HGSNAT: variants seen among roughly 807,000 people sequenced by gnomAD.
HGSNAT encodes transmembrane protein 76.
A neutral mutation model predicts 85.2 loss-of-function variants in HGSNAT; 59 were observed. The ratio of observed to expected loss-of-function variants is 0.69; its 90% CI spans 0.56 to 0.86. HGSNAT has a LOEUF of 0.86. Among genes scored for constraint, HGSNAT ranks in the 40% least tolerant of loss-of-function variants. HGSNAT has a pLI of 0.00. For missense variants in HGSNAT, 756 were observed against 777.1 expected (o/e 0.97, Z 0.32); for synonymous variants, 321 against 304.5 (o/e 1.05, Z -0.56).
Position 43,182,237 on chromosome 8 carries a change from C to A in HGSNAT, c.1105C>A (p.Pro369Thr). ...VAVLELLFAK[P>T]VPEHCASERS... ...TGTGTTGGAGCTCCTCTTTGCTAAACCTGTGCCTGAACATTGTGCCTCGGT... is the reference window on the plus strand; with the variant it reads ...TGTGTTGGAGCTCCTCTTTGCTAAAACTGTGCCTGAACATTGTGCCTCGGT... Residue 369 changes from proline to threonine, a missense_variant, in exon 11 of 18, where the codon CCT becomes ACT. By Grantham distance (38) the Pro-to-Thr change is conservative (BLOSUM62 -1). Coordinates refer to ENST00000379644, the MANE Select transcript of HGSNAT (RefSeq NM_152419.3). The A allele has an allele frequency of 6.2e-7, 1 of 1,613,718 alleles. No homozygotes were observed. The highest frequency in any genetic ancestry group is 8.5e-7 in the Non-Finnish European group (1 of 1,179,674).
intron 5 of HGSNAT, chr8:43,167,940 A>G: frequency 4.0e-6 from 1 of 249,580 alleles, no homozygotes; most frequent in Non-Finnish European, 8.0e-6. Flanking sequence ...TTTTTTTGAG[A>G]CAGAGTCTTG....
At chr8:43,147,303 C>T (rs1000392387) in intron 2 of HGSNAT, among the ~76,000 whole-genome samples, 1 of 152,150 alleles carries the variant, frequency 6.6e-6, no homozygotes. Flanking sequence ...GGATGAACAA[C>T]CTTGATAGAC....
intron 11 of HGSNAT, among the ~76,000 whole-genome samples, chr8:43,189,347 C>CCCCA (rs915516909): frequency 6.6e-6 from 1 of 152,160 alleles, no homozygotes; most frequent in African/African-American, 2.4e-5. Flanking sequence ...ATGCCCTTCC[C>CCCCA]CCCAGCCTCG....
At chr8:43,191,107 C>T (rs530385189) in intron 11 of HGSNAT, among the ~76,000 whole-genome samples, 9 of 152,340 alleles carry the variant, frequency 5.9e-5, no homozygotes, top group East Asian at 3.9e-4. Flanking sequence ...AATTAGATTC[C>T]GCTTTAGGGA....
At chr8:43,168,384 CTTTTTTTTTT>C (rs34270087) in intron 5 of HGSNAT, among the ~76,000 whole-genome samples, 49 of 70,252 alleles carry the variant, frequency 7.0e-4, no homozygotes, top group African/African-American at 2.9e-3. Context: ...AATAGTTGAT[CTTTTTTTTTT>C]TTTTTTTTTT....
At chr8:43,156,773 CTTCT>C in intron 2 of HGSNAT, among the ~76,000 whole-genome samples, 1 of 152,168 alleles carries the variant, frequency 6.6e-6, no homozygotes, top group African/African-American at 2.4e-5. Flanking sequence ...ATATAATGGC[CTTCT>C]TTTTCTCTTT....
intron 9 of HGSNAT, among the ~76,000 whole-genome samples, chr8:43,175,933 G>A (rs1026570052): frequency 1.3e-5 from 2 of 151,830 alleles, no homozygotes; most frequent in African/African-American, 4.8e-5. Context: ...CTCCTTATAT[G>A]TTCTGGCTAT....
chr8:43,192,905 G>A (rs1279905439), intron 13 of HGSNAT, among the ~76,000 whole-genome samples: 1 of 152,218 alleles, frequency 6.6e-6, no homozygotes, highest in Non-Finnish European at 1.5e-5. Flanking sequence ...AAGTGGATCA[G>A]GCAGTCCTTG....
intron 9 of HGSNAT, among the ~76,000 whole-genome samples, chr8:43,175,557 CTTTTTTTT>C (rs572939859): frequency 1.1e-4 from 7 of 63,148 alleles, no homozygotes; most frequent in East Asian, 8.4e-4. Context: ...CTTTTGTCCT[CTTTTTTTT>C]TTTTTTTTTT....
rs1279402630 is a variant in HGSNAT, at chr8:43,162,958, G to C, written c.563+1451G>C. ...ACCAGCACTTTGAGAGGCCAAGGCA[G>C]ATGGATCACTTGAGGTCAGGAGTTT... On this transcript the variant is annotated intron_variant, in intron 5 of 17. Coordinates refer to ENST00000379644, the MANE Select transcript of HGSNAT (RefSeq NM_152419.3). 2.4e-4 allele frequency among the ~76,000 whole-genome samples: 36 copies of C among 152,154 alleles called. 1 individual carries two copies. The highest frequency in any genetic ancestry group is 2.4e-3 in the Admixed American group (36 of 15,276).
intron 2 of HGSNAT, 116 bp downstream of exon 2, chr8:43,147,179 CAAA>C (rs1802745898): frequency 3.2e-6 from 2 of 620,138 alleles, no homozygotes; most frequent in Non-Finnish European, 2.8e-6. Context: ...GCTAAAGAAA[CAAA>C]GAAGCTATAT....
At chr8:43,153,200 C>A (rs1326007612) in intron 2 of HGSNAT, among the ~76,000 whole-genome samples, 1 of 152,022 alleles carries the variant, frequency 6.6e-6, no homozygotes, top group Non-Finnish European at 1.5e-5. Context: ...GAAGTAGAAT[C>A]TAATTTATGT....
At chr8:43,170,522 T>C (rs1803588647) in intron 6 of HGSNAT, 63 bp from the exon 7 acceptor site, 1 of 1,284,356 alleles carries the variant, frequency 7.8e-7, no homozygotes, top group Non-Finnish European at 1.1e-6. Flanking sequence ...AATCAAAAAA[T>C]GACAAAATGA....
In HGSNAT at chr8:43,200,773, C is replaced by T. The variant is rs763225051; in HGVS notation, c.*1204C>T. The stretch of plus-strand genomic sequence containing the variant: ...ACGTGGCCACAGGGTTGTGCTGTAC[C>T]CACCCTTCCCCGGCGAGATGGCCCT... On this transcript the variant is annotated 3_prime_UTR_variant, in exon 18 of 18. Coordinates refer to ENST00000379644, the MANE Select transcript of HGSNAT (RefSeq NM_152419.3). 6.6e-6 allele frequency: 1 copy of T among 152,432 alleles called. No individual in the cohort carries two copies. Among genetic ancestry groups the T allele is most frequent in the Non-Finnish European group, 1.5e-5 (1 of 68,186 alleles). 9.4% of individuals were successfully genotyped at this position (152,432 alleles called of 1,614,324 possible).
At chr8:43,180,302 G>C (rs1038670973) in intron 10 of HGSNAT, 3 of 159,016 alleles carry the variant, frequency 1.9e-5, no homozygotes, top group African/African-American at 7.8e-5. Flanking sequence ...TCCCAGACGG[G>C]GTGGTTGCCG....
chr8:43,187,873 A>G (rs1804374878), intron 11 of HGSNAT, among the ~76,000 whole-genome samples: 1 of 152,132 alleles, frequency 6.6e-6, no homozygotes, highest in Non-Finnish European at 1.5e-5. Context: ...GTTTGTCTGT[A>G]AAGTATTTTA....
intron 9 of HGSNAT, among the ~76,000 whole-genome samples, chr8:43,177,714 G>A (rs1803863149): frequency 6.6e-6 from 1 of 152,174 alleles, no homozygotes; most frequent in South Asian, 2.1e-4. Context: ...TGAAATGTCT[G>A]TGTTTCAAGG....
chr8:43,176,341 G>A (rs964919946), intron 9 of HGSNAT, among the ~76,000 whole-genome samples: 4 of 152,034 alleles, frequency 2.6e-5, no homozygotes, highest in Non-Finnish European at 5.9e-5. Flanking sequence ...CACTTTTGTC[G>A]AAAATGAGTT....
rs777146364 is a variant in HGSNAT at position 43,178,074 on chromosome 8, G to A, written c.852G>A (p.Trp284Ter). 1.9e-6 allele frequency: 3 copies of A among 1,612,862 alleles called. No individual in the cohort carries two copies. Among genetic ancestry groups the A allele is most frequent in the Non-Finnish European group, 2.5e-6 (3 of 1,179,188 alleles). Residue 284 changes from tryptophan to a stop codon, truncating the protein, a stop_gained and splice_region_variant, in exon 10 of 18, where the codon TGG (tryptophan) becomes TGA (stop). Coordinates refer to ENST00000379644, the MANE Select transcript of HGSNAT (RefSeq NM_152419.3). LOFTEE classifies it high-confidence loss of function. ...CTATTAATAACTAGATTCTTTTTAG[G>A]TTTGTATTTATTATGGGATCTTCCA... is the stretch of plus-strand genomic sequence containing the variant. ...GLTVADLVFP[W>*]FVFIMGSSIF...
Sources: allele counts gnomAD v4.1 joint callset (sites outside exome capture counted in the v4.1 genomes callset), GRCh38; gene constraint gnomAD v4.1.1; transcripts MANE v1.5; gene names NCBI Gene and HGNC (gene_info 2026-07-23, HGNC 2026-07-21).